STIL: variants seen among roughly 807,000 people sequenced by gnomAD.
STIL encodes STIL centriolar assembly protein.
A neutral mutation model predicts 110.1 loss-of-function variants in STIL; 55 were observed. The observed-to-expected ratio is 0.50, with a 90% CI of 0.40 to 0.63. STIL has a LOEUF of 0.63. STIL is among the 20% of genes least tolerant of loss of function. STIL has a pLI of 0.00. For synonymous variants in STIL, 481 were observed against 530.0 expected (o/e 0.91, Z 1.27); for missense variants, 1,358 against 1,530.0 (o/e 0.89, Z 1.87).
chr1:47,283,073 G>GAATA (rs1645195611), intron 10 of STIL: 1 of 152,410 alleles, frequency 6.6e-6, no homozygotes, highest in African/African-American at 2.4e-5. Context: ...TATGCATCAG[G>GAATA]CTTTTTTACA....
intron 3 of STIL, among the ~76,000 whole-genome samples, chr1:47,303,408 C>CA (rs1332508829): frequency 6.6e-6 from 1 of 152,016 alleles, no homozygotes; most frequent in Non-Finnish European, 1.5e-5. Context: ...CTACCAAATA[C>CA]AAAAAAATTA....
intron 12 of STIL, among the ~76,000 whole-genome samples, chr1:47,276,522 T>A (rs1443571792): frequency 6.6e-6 from 1 of 151,692 alleles, no homozygotes; most frequent in Non-Finnish European, 1.5e-5. Context: ...TAAAACAACT[T>A]CTAGGCCAGG....
At chr1:47,289,289 A>T in intron 9 of STIL, 146 bp downstream of exon 9, 1 of 521,122 alleles carries the variant, frequency 1.9e-6, no homozygotes, top group Admixed American at 3.8e-5. Context: ...AAATGAATAA[A>T]GTTAATATTT....
intron 14 of STIL, 135 bp downstream of exon 14, chr1:47,269,500 G>T: frequency 1.5e-6 from 1 of 668,050 alleles, no homozygotes; most frequent in Non-Finnish European, 2.6e-6. Context: ...TAGATTTGTT[G>T]GTCTGATTTA....
intron 6 of STIL, among the ~76,000 whole-genome samples, chr1:47,296,417 T>G (rs751305690): frequency 4.1e-4 from 63 of 152,196 alleles, no homozygotes; most frequent in Non-Finnish European, 7.8e-4. Flanking sequence ...ATTTATATTT[T>G]ATTATATTTA....
Position 47,300,117 on chromosome 1 carries a change from CA to C in STIL, c.488del (p.Leu163TrpfsTer9). 6.2e-7 allele frequency: 1 copy of C among 1,614,016 alleles called. No individual in the cohort carries two copies. The highest frequency in any genetic ancestry group is 1.3e-5 in the African/African-American group (1 of 75,008). On this transcript the variant is annotated frameshift_variant, in exon 6 of 17. Transcript: ENST00000371877. LOFTEE classifies it high-confidence loss of function. ...TTAGGGAAAGCAGCTTACCACAGTCCAAGGAATCTTTGCTACATATATGGCA... is the reference window on the plus strand; with the variant it reads ...TTAGGGAAAGCAGCTTACCACAGTCCAGGAATCTTTGCTACATATATGGCA... The part of the protein sequence containing the change: ...LQCHICSKDS[L>X]DCGKLLSLRV...
Position 47,260,595 on chromosome 1 carries a change from G to A in STIL, c.2830-56C>T, listed in dbSNP as rs1644457364. ...AATCACTATTAACAATGTTAGGGCT[G>A]GGTGTGGTGGTTCACACCTATAATC... On this transcript the variant is annotated intron_variant, in intron 15 of 16. Coordinates refer to ENST00000371877, the MANE Select transcript of STIL (RefSeq NM_001048166.1). 3 of 1,568,338 alleles carry A rather than the reference G, an allele frequency of 1.9e-6. No individual in the cohort carries two copies. The South Asian group carries it at 3.3e-5, about 17-fold the overall frequency.
chr1:47,259,180 G>C (rs1359899946), intron 16 of STIL, among the ~76,000 whole-genome samples: 1 of 150,778 alleles, frequency 6.6e-6, no homozygotes, highest in East Asian at 1.9e-4. Flanking sequence ...TAGAGACGGG[G>C]TTTCACCGTG....
chr1:47,265,254 A>AAAAAAAAAAAAAAAAC, intron 14 of STIL, among the ~76,000 whole-genome samples: 2 of 150,816 alleles, frequency 1.3e-5, no homozygotes, highest in Non-Finnish European at 3.0e-5. Flanking sequence ...AAAAAAAAAA[A>AAAAAAAAAAAAAAAAC]AAAAAACACA....
At chr1:47,254,538 T>TG (rs924606424) in intron 16 of STIL, among the ~76,000 whole-genome samples, 17 of 151,966 alleles carry the variant, frequency 1.1e-4, no homozygotes, top group African/African-American at 3.9e-4. Flanking sequence ...GGTTTTTTTT[T>TG]TGTTTTTTTT....
At chr1:47,273,408 C>T (rs2148889645) in intron 12 of STIL, among the ~76,000 whole-genome samples, 1 of 152,326 alleles carries the variant, frequency 6.6e-6, no homozygotes, top group African/African-American at 2.4e-5. Flanking sequence ...TGATTTCTAT[C>T]TCTGAATTTG....
At chr1:47,291,873 T>C (rs1300108195) in intron 8 of STIL, among the ~76,000 whole-genome samples, 1 of 151,700 alleles carries the variant, frequency 6.6e-6, no homozygotes, top group Non-Finnish European at 1.5e-5. Context: ...GCCTATTTTA[T>C]TTTTTTAAGA....
At chr1:47,300,286 A>T in intron 5 of STIL, 134 bp from the exon 6 acceptor site, 1 of 893,988 alleles carries the variant, frequency 1.1e-6, no homozygotes, top group South Asian at 1.9e-5. Context: ...GATTTACAGC[A>T]TTTCAGTTCT....
intron 13 of STIL, among the ~76,000 whole-genome samples, chr1:47,270,608 T>G (rs2148859474): frequency 6.7e-6 from 1 of 149,636 alleles, no homozygotes; most frequent in Admixed American, 6.7e-5. Context: ...TGGTGATGCA[T>G]CAGACATCTG....
At position 47,272,149 on chromosome 1, in the gene STIL, C is replaced by T. The variant is rs1449075315; in HGVS notation, c.2310G>A (p.Glu770=). The T allele has an allele frequency of 1.9e-6, 3 of 1,614,032 alleles. No individual in the cohort carries two copies. Among genetic ancestry groups the T allele is most frequent in the African/African-American group, 2.7e-5 (2 of 74,916 alleles). ...AAGACTGTGCTTCCACAGAAACCAA[C>T]TCCATTTGTCTTCCAGCTTGCACTG... ...EDTVQAGRQM[E]LVSVEAQSSP... Residue 770 remains glutamate, a synonymous_variant, in exon 13 of 17, where the codon GAG becomes GAA. Coordinates refer to ENST00000371877, the MANE Select transcript of STIL (RefSeq NM_001048166.1).
chr1:47,274,596 C>T (rs999392785), intron 12 of STIL, among the ~76,000 whole-genome samples: 8 of 146,078 alleles, frequency 5.5e-5, no homozygotes, highest in African/African-American at 7.6e-5. Flanking sequence ...GGATTACAGG[C>T]GTGAGCCACC....
rs752877102 is a variant in STIL at position 47,272,106 on chromosome 1, T to A, written c.2353A>T (p.Arg785Ter). 6.2e-7 allele frequency: 1 copy of A among 1,614,168 alleles called. No individual in the cohort carries two copies. The highest frequency in any genetic ancestry group is 8.5e-7 in the Non-Finnish European group (1 of 1,180,026). The change falls in exon 13 of 17, where the codon AGA becomes TGA. Residue 785 changes from arginine to a stop codon, truncating the protein, a stop_gained. Coordinates refer to ENST00000371877, the MANE Select transcript of STIL (RefSeq NM_001048166.1). LOFTEE classifies it high-confidence loss of function. Reference sequence around the variant, plus strand: ...CTCACAGCAATGCTTACACCTTTTCTCATGTGCAAGCCAGGGGAAGACTGT... The same window carrying A: ...CTCACAGCAATGCTTACACCTTTTCACATGTGCAAGCCAGGGGAAGACTGT... ...EAQSSPGLHM[R>*]KGVSIAVSTG...
chr1:47,274,751 G>A (rs1644938469), intron 12 of STIL, among the ~76,000 whole-genome samples: 1 of 151,822 alleles, frequency 6.6e-6, no homozygotes, highest in Non-Finnish European at 1.5e-5. Flanking sequence ...TAAAGCTGTG[G>A]GTGATTAAAT....
rs1646083964 is a variant in STIL, at chr1:47,310,269, T to C, written c.44+7A>G. On this transcript the variant is annotated splice_region_variant and intron_variant, in intron 2 of 16. Coordinates refer to ENST00000371877, the MANE Select transcript of STIL (RefSeq NM_001048166.1). ...TAAGACAAATATTTGTAAATATACT[T>C]CTATACCTGGTATTCATCTGGGGCC... 1 of 1,611,876 alleles carries C rather than the reference T, an allele frequency of 6.2e-7. No homozygotes were observed. The highest frequency in any genetic ancestry group is 8.5e-7 in the Non-Finnish European group (1 of 1,178,696).
Sources: gnomAD v4.1 joint callset for allele counts (sites outside exome capture counted in the v4.1 genomes callset) on GRCh38, gnomAD v4.1.1 for gene constraint, MANE v1.5 for transcripts, NCBI Gene and HGNC (gene_info 2026-07-23, HGNC 2026-07-21) for gene names.